CSMD2: variants seen among roughly 807,000 people sequenced by gnomAD.
The protein encoded by CSMD2 is CUB and sushi domain-containing protein 2.
In CSMD2, 130 loss-of-function variants were observed where a neutral mutation model predicts 398.5. The ratio of observed to expected loss-of-function variants is 0.33; its 90% CI spans 0.28 to 0.38. The LOEUF (loss-of-function observed/expected upper bound fraction) is 0.38, where lower values mean the gene tolerates loss of function less well. Among genes scored for constraint, CSMD2 ranks in the 10% least tolerant of loss-of-function variants. CSMD2 has a pLI of 1.00. For missense variants in CSMD2, 3,829 were observed against 4,764.9 expected, an observed-to-expected ratio of 0.80 and a Z score of 5.78; for synonymous variants, 1,828 against 1,908.5, an observed-to-expected ratio of 0.96 and a Z score of 1.10.
chr1:33,962,222 C>T (rs1454721461), intron 3 of CSMD2, among the ~76,000 whole-genome samples: 1 of 152,154 alleles, frequency 6.6e-6, no homozygotes, highest in Non-Finnish European at 1.5e-5. Flanking sequence ...TCCCTCTGTT[C>T]AGGCTTCATC....
At chr1:34,129,587 G>A (rs1381099440) in intron 1 of CSMD2, among the ~76,000 whole-genome samples, 1 of 152,220 alleles carries the variant, frequency 6.6e-6, no homozygotes, top group Non-Finnish European at 1.5e-5. Flanking sequence ...GGGAGGCGGA[G>A]CTTGCAGTGA....
At position 33,939,466 on chromosome 1, in the gene CSMD2, A is replaced by G. The variant is rs564712626; in HGVS notation, c.518-3512T>C. Among the ~76,000 whole-genome samples, 7 of 152,306 alleles carry G rather than the reference A, an allele frequency of 4.6e-5. No homozygotes were observed. The East Asian group carries it at 1.4e-3, about 29-fold the overall frequency. ...CTAAGGTGAGGGGAGGGAGCCAACT[A>G]GGGGAAATGAGCTGAGAACTGGTGT... On this transcript the variant is annotated intron_variant, in intron 3 of 70. Coordinates refer to ENST00000373381, the MANE Select transcript of CSMD2 (RefSeq NM_001281956.2).
intron 5 of CSMD2, chr1:33,870,122 T>C (rs2125141968): frequency 6.6e-6 from 1 of 152,284 alleles, no homozygotes; most frequent in South Asian, 2.1e-4. Context: ...GTCAGGTCTG[T>C]GGATGGGGTG....
chr1:34,004,134 G>A (rs1646986396), intron 3 of CSMD2, among the ~76,000 whole-genome samples: 1 of 152,174 alleles, frequency 6.6e-6, no homozygotes, highest in Non-Finnish European at 1.5e-5. Context: ...GATGTCTGGG[G>A]AAATATAATC....
chr1:34,104,027 T>G (rs1024297995), intron 1 of CSMD2, among the ~76,000 whole-genome samples: 1 of 152,228 alleles, frequency 6.6e-6, no homozygotes, highest in South Asian at 2.1e-4. Flanking sequence ...CAGATTAATG[T>G]GATATCTGCT....
At chr1:34,155,902 T>C (rs954028916) in intron 1 of CSMD2, among the ~76,000 whole-genome samples, 1 of 152,154 alleles carries the variant, frequency 6.6e-6, no homozygotes, top group East Asian at 1.9e-4. Context: ...GGTGTGAAAA[T>C]AGAGGCCTAG....
At chr1:33,985,033 C>T (rs1418695454) in intron 3 of CSMD2, among the ~76,000 whole-genome samples, 4 of 152,194 alleles carry the variant, frequency 2.6e-5, no homozygotes, top group Admixed American at 6.5e-5. Context: ...TGAAGGCAGA[C>T]GTGTGGCGTT....
intron 22 of CSMD2, among the ~76,000 whole-genome samples, chr1:33,702,214 A>G (rs192570317): frequency 3.4e-4 from 52 of 152,344 alleles, no homozygotes; most frequent in Middle Eastern, 3.4e-3. Context: ...AACACATCAG[A>G]CAATGAATCT....
chr1:33,659,829 T>C (rs750106411), intron 26 of CSMD2, among the ~76,000 whole-genome samples: 3 of 152,250 alleles, frequency 2.0e-5, no homozygotes, highest in Non-Finnish European at 4.4e-5. Context: ...CAGCAAACTA[T>C]GGCCCACGGC....
At position 33,864,507 on chromosome 1, in the gene CSMD2, G is replaced by A. The variant is rs548715304; in HGVS notation, c.921-17511C>T. 1.2e-5 allele frequency: 19 copies of A among 1,614,064 alleles called. No individual in the cohort carries two copies. The South Asian group carries it at 1.5e-4, about 13-fold the overall frequency. ...ATCATCCTTCCTACTCTTCTGCCAA[G>A]ACCACTATGCTCAGCTGAAGAGGGA... is the stretch of plus-strand genomic sequence containing the variant. On this transcript the variant is annotated intron_variant, in intron 5 of 70. Transcript: ENST00000373381.
Position 34,032,713 on chromosome 1 carries a change from G to C in CSMD2, c.405-7C>G. 2 of 1,568,720 alleles carry C rather than the reference G, an allele frequency of 1.3e-6. No homozygotes were observed. Among genetic ancestry groups the C allele is most frequent in the Non-Finnish European group, 1.7e-6 (2 of 1,153,514 alleles). ...CAGCTGAAAGCCTGTGAGCCTGAAA[G>C]ACAAAGAATTGGATTAGGGAGAATG... On this transcript the variant is annotated splice_region_variant and splice_polypyrimidine_tract_variant and intron_variant, in intron 2 of 70. Transcript: ENST00000373381.
At chr1:33,873,564 C>T (rs1234175630) in intron 5 of CSMD2, 2 of 152,156 alleles carry the variant, frequency 1.3e-5, no homozygotes, top group Non-Finnish European at 2.9e-5. Context: ...TGAAAGCTTC[C>T]CTTTGGAGAA....
chr1:33,600,271 A>G (rs1202566189), intron 44 of CSMD2: 7 of 671,370 alleles, frequency 1.0e-5, no homozygotes, highest in African/African-American at 1.8e-5. Context: ...GCATCATTCC[A>G]TAGATAGGCA....
chr1:33,912,118 C>T (rs1558091783), intron 5 of CSMD2, among the ~76,000 whole-genome samples: 1 of 152,192 alleles, frequency 6.6e-6, no homozygotes, highest in Non-Finnish European at 1.5e-5. Context: ...TCTCTTCCTA[C>T]TTTGAATGTT....
At chr1:33,786,273 C>G (rs1653524878) in intron 12 of CSMD2, among the ~76,000 whole-genome samples, 1 of 152,174 alleles carries the variant, frequency 6.6e-6, no homozygotes, top group African/African-American at 2.4e-5. Context: ...AGATTAAGGG[C>G]ATGAGGATGA....
At chr1:33,693,151 T>C in intron 24 of CSMD2, 95 bp from the exon 25 acceptor site, 8 of 1,380,748 alleles carry the variant, frequency 5.8e-6, no homozygotes, top group Non-Finnish European at 7.7e-6. Flanking sequence ...CTTGAGTCCC[T>C]TCCCTCTCCC....
chr1:33,586,510 A>G lies in CSMD2; in HGVS notation c.7045T>C (p.Cys2349Arg). The change falls in exon 46 of 71, where the codon TGT (cysteine) becomes CGT (arginine). Residue 2349 changes from cysteine to arginine, a missense_variant. Transcript: ENST00000373381. ...YLQFEGPPPI[C>R]EVHCPTNELL... ...TGCGGCTCCATGCAATTACCTTCACATATCGGGGGTGGTCCTTCAAACTGC... is the reference window on the plus strand; with the variant it reads ...TGCGGCTCCATGCAATTACCTTCACGTATCGGGGGTGGTCCTTCAAACTGC... The G allele has an allele frequency of 6.2e-7, 1 of 1,609,258 alleles. No individual in the cohort carries two copies. The highest frequency in any genetic ancestry group is 8.5e-7 in the Non-Finnish European group (1 of 1,175,790).
chr1:33,695,224 G>C (rs591469), intron 24 of CSMD2, among the ~76,000 whole-genome samples: 4,286 of 152,142 alleles, frequency 0.028, 193 homozygotes, highest in African/African-American at 0.097. Flanking sequence ...ATAGGGAGAT[G>C]GGGGAGATGG....
intron 51 of CSMD2, among the ~76,000 whole-genome samples, chr1:33,569,918 A>G (rs1051955424): frequency 2.6e-5 from 4 of 152,116 alleles, no homozygotes; most frequent in African/African-American, 7.2e-5. Context: ...ACTGCTAATC[A>G]ATTTCCTTGC....
Sources: gnomAD v4.1 joint callset for allele counts (sites outside exome capture counted in the v4.1 genomes callset) on GRCh38, gnomAD v4.1.1 for gene constraint, MANE v1.5 for transcripts, NCBI Gene and HGNC (gene_info 2026-07-23, HGNC 2026-07-21) for gene names.